CDK14: variants seen among roughly 807,000 people sequenced by gnomAD.
The protein encoded by CDK14 is cyclin dependent kinase 14.
Under a neutral mutation model 60.7 loss-of-function variants are expected in CDK14, and 34 were observed. The ratio of observed to expected loss-of-function variants is 0.56; its 90% CI spans 0.43 to 0.75. The LOEUF (loss-of-function observed/expected upper bound fraction) is 0.75, where lower values mean the gene tolerates loss of function less well. Among genes scored for constraint, CDK14 ranks in the 30% least tolerant of loss-of-function variants. CDK14 has a pLI of 0.00. For missense variants in CDK14, 482 were observed against 564.1 expected, an observed-to-expected ratio of 0.85 and a Z score of 1.47; for synonymous variants, 197 against 203.7, an observed-to-expected ratio of 0.97 and a Z score of 0.28.
chr7:90,775,214 T>C (rs1432089426), intron 4 of CDK14, among the ~76,000 whole-genome samples: 3 of 152,194 alleles, frequency 2.0e-5, no homozygotes, highest in Non-Finnish European at 4.4e-5. Context: ...CTGATTTATC[T>C]GCTTTTCTTT....
chr7:91,100,380 A>G (rs755219453), intron 12 of CDK14, among the ~76,000 whole-genome samples: 2 of 152,240 alleles, frequency 1.3e-5, no homozygotes, highest in East Asian at 1.9e-4. Flanking sequence ...TGCAAAAGCA[A>G]TGTAGTGAAG....
At chr7:90,803,768 G>A (rs955878347) in intron 5 of CDK14, among the ~76,000 whole-genome samples, 1 of 152,104 alleles carries the variant, frequency 6.6e-6, no homozygotes, top group Admixed American at 6.6e-5. Flanking sequence ...AATTCCTTGA[G>A]GAAGGTTGAT....
intron 2 of CDK14, among the ~76,000 whole-genome samples, chr7:90,639,567 C>T (rs537604268): frequency 5.3e-5 from 8 of 151,952 alleles, no homozygotes; most frequent in South Asian, 2.1e-4. Flanking sequence ...TTAGGCTGCT[C>T]GGGGGTCAGG....
chr7:91,017,314 A>G (rs2115852985), intron 10 of CDK14, among the ~76,000 whole-genome samples: 1 of 152,340 alleles, frequency 6.6e-6, no homozygotes, highest in South Asian at 2.1e-4. Flanking sequence ...TGGACATGAT[A>G]CAATATCCAG....
At chr7:90,977,586 A>G (rs1242507123) in intron 9 of CDK14, among the ~76,000 whole-genome samples, 1 of 152,130 alleles carries the variant, frequency 6.6e-6, no homozygotes, top group Non-Finnish European at 1.5e-5. Flanking sequence ...AAAAGACCAT[A>G]AACATCAGTC....
At chr7:91,137,741 G>C (rs1800330376) in intron 14 of CDK14, among the ~76,000 whole-genome samples, 1 of 151,596 alleles carries the variant, frequency 6.6e-6, no homozygotes, top group Non-Finnish European at 1.5e-5. Flanking sequence ...TGTTTAATTG[G>C]AGTAATAAAA....
chr7:90,624,725 C>T (rs1799841579), intron 2 of CDK14, among the ~76,000 whole-genome samples: 1 of 152,218 alleles, frequency 6.6e-6, no homozygotes, highest in South Asian at 2.1e-4. Context: ...TCTGCTCCAC[C>T]ACTTAGTAGC....
intron 14 of CDK14, among the ~76,000 whole-genome samples, chr7:91,177,502 A>C (rs1245886808): frequency 2.6e-5 from 4 of 152,018 alleles, no homozygotes; most frequent in Non-Finnish European, 5.9e-5. Flanking sequence ...TTCAATTAGG[A>C]AAAGAGGAAG....
intron 14 of CDK14, among the ~76,000 whole-genome samples, chr7:91,178,621 A>C (rs1281976991): frequency 6.6e-6 from 1 of 152,232 alleles, no homozygotes; most frequent in Admixed American, 6.5e-5. Context: ...ACAGGAAAAA[A>C]ACAACCCCAT....
intron 2 of CDK14, among the ~76,000 whole-genome samples, chr7:90,631,094 A>G (rs771725200): frequency 1.3e-5 from 2 of 152,150 alleles, no homozygotes; most frequent in African/African-American, 2.4e-5. Context: ...CCCCCTTCTC[A>G]TGGAAGCAGC....
At chr7:90,849,512 T>G (rs1790573803) in intron 5 of CDK14, among the ~76,000 whole-genome samples, 1 of 151,938 alleles carries the variant, frequency 6.6e-6, no homozygotes, top group South Asian at 2.1e-4. Flanking sequence ...ATTCAAACAT[T>G]AATTTAGGGA....
At chr7:90,780,441 A>ATTT (rs1320426947) in intron 4 of CDK14, among the ~76,000 whole-genome samples, 1 of 151,132 alleles carries the variant, frequency 6.6e-6, no homozygotes, top group African/African-American at 2.4e-5. Flanking sequence ...TATTATTATT[A>ATTT]TACTTTAAGT....
chr7:90,659,861 CTCTCTCTCTCTCTCTGTG>C (rs1312919720), intron 2 of CDK14, among the ~76,000 whole-genome samples: 15 of 148,142 alleles, frequency 1.0e-4, no homozygotes, highest in African/African-American at 3.8e-4. Flanking sequence ...CTCTCTCTCT[CTCTCTCTCTCTCTCTGTG>C]TGTGTGTGTG....
intron 14 of CDK14, among the ~76,000 whole-genome samples, chr7:91,156,734 A>G (rs953524917): frequency 3.9e-5 from 6 of 152,190 alleles, no homozygotes; most frequent in African/African-American, 1.4e-4. Flanking sequence ...GAAAAGCCAT[A>G]TGGTTTCAAA....
intron 5 of CDK14, among the ~76,000 whole-genome samples, chr7:90,810,453 G>C (rs919477089): frequency 6.6e-6 from 1 of 152,114 alleles, no homozygotes; most frequent in Non-Finnish European, 1.5e-5. Flanking sequence ...AATAAATTAG[G>C]TATTGATGGG....
At chr7:91,079,852 A>G (rs914233719) in intron 12 of CDK14, among the ~76,000 whole-genome samples, 5 of 152,366 alleles carry the variant, frequency 3.3e-5, no homozygotes, top group Middle Eastern at 3.4e-3. Flanking sequence ...CTTTTGAGCT[A>G]AAGTTGATCT....
chr7:90,773,832 G>A (rs147181212), intron 4 of CDK14, among the ~76,000 whole-genome samples: 1,780 of 136,568 alleles, frequency 0.013, 56 homozygotes, highest in African/African-American at 0.047. Flanking sequence ...TCTGGCATAG[G>A]TCTTCTCTTC....
intron 11 of CDK14, among the ~76,000 whole-genome samples, chr7:91,070,247 G>GC (rs1798099730): frequency 7.8e-6 from 1 of 128,070 alleles, no homozygotes; most frequent in African/African-American, 2.9e-5. Flanking sequence ...TTATTTTGTT[G>GC]TTGCTGCTGC....
chr7:91,075,359 GA>G (rs1270388259), intron 11 of CDK14, among the ~76,000 whole-genome samples: 1 of 151,984 alleles, frequency 6.6e-6, no homozygotes, highest in South Asian at 2.1e-4. Flanking sequence ...CAGAACCAAT[GA>G]AAAAAACCAC....
Sources: allele counts gnomAD v4.1 joint callset (sites outside exome capture counted in the v4.1 genomes callset), GRCh38; gene constraint gnomAD v4.1.1; transcripts MANE v1.5; gene names NCBI Gene and HGNC (gene_info 2026-07-23, HGNC 2026-07-21).